Variants in ROBO2 observed in about 807,000 individuals in gnomAD.
The protein encoded by ROBO2 is roundabout guidance receptor 2.
Under a neutral mutation model 160.8 loss-of-function variants are expected in ROBO2, and 53 were observed. That is an observed-to-expected ratio of 0.33 (90% CI 0.26 to 0.41). The LOEUF (loss-of-function observed/expected upper bound fraction) is 0.41. ROBO2 is among the 10% of genes least tolerant of loss of function. ROBO2 has a pLI of 1.00. For missense variants in ROBO2, 1,577 were observed against 1,722.4 expected (o/e 0.92, Z 1.49); for synonymous variants, 664 against 611.7 (o/e 1.09, Z -1.26).
At chr3:76,067,693 C>T (rs1459640963) in intron 2 of ROBO2, among the ~76,000 whole-genome samples, 1 of 152,014 alleles carries the variant, frequency 6.6e-6, no homozygotes, top group African/African-American at 2.4e-5. Context: ...TTTTTGTAAA[C>T]TTTCACCAAT....
chr3:76,525,889 A>G (rs2081922642), intron 2 of ROBO2, among the ~76,000 whole-genome samples: 1 of 151,946 alleles, frequency 6.6e-6, no homozygotes, highest in South Asian at 2.1e-4. Context: ...AGAAAAAAAT[A>G]TATATAGTAG....
intron 2 of ROBO2, among the ~76,000 whole-genome samples, chr3:76,736,144 G>T (rs145935537): frequency 3.0e-3 from 451 of 151,624 alleles, no homozygotes; most frequent in Admixed American, 5.2e-3. Flanking sequence ...TTATCCGGGC[G>T]TGGTGGTGGC....
At chr3:76,281,301 A>G (rs944790756) in intron 2 of ROBO2, among the ~76,000 whole-genome samples, 1 of 151,888 alleles carries the variant, frequency 6.6e-6, no homozygotes, top group African/African-American at 2.4e-5. Flanking sequence ...TAAAGCAACA[A>G]TGCACATAAT....
At chr3:76,431,744 A>T (rs4856031) in intron 2 of ROBO2, among the ~76,000 whole-genome samples, 52,887 of 152,016 alleles carry the variant, frequency 0.35, 11,167 homozygotes, top group Non-Finnish European at 0.46. Flanking sequence ...GTGTTATGTT[A>T]TGCTAATCTG....
chr3:76,210,567 A>T (rs1169029845), intron 2 of ROBO2, among the ~76,000 whole-genome samples: 1 of 152,100 alleles, frequency 6.6e-6, no homozygotes, highest in Admixed American at 6.6e-5. Flanking sequence ...CCTGATTAAG[A>T]GCTTCTTTCT....
chr3:76,141,089 C>T (rs1223059502), intron 2 of ROBO2, among the ~76,000 whole-genome samples: 26 of 20,278 alleles, frequency 1.3e-3, no homozygotes, highest in Non-Finnish European at 1.8e-3. Context: ...AATATATGTG[C>T]CTGGGTTTAT....
intron 2 of ROBO2, among the ~76,000 whole-genome samples, chr3:77,018,972 C>T (rs2062454487): frequency 6.6e-6 from 1 of 152,164 alleles, no homozygotes; most frequent in Non-Finnish European, 1.5e-5. Flanking sequence ...AAACAGCCCT[C>T]CCTGTCCCTG....
rs201042832 is a variant in ROBO2 at position 76,284,413 on chromosome 3, A to AT, written c.109+346811_109+346812insT. On this transcript the variant is annotated intron_variant, in intron 2 of 26. Coordinates refer to the ROBO2 transcript ENST00000487694. ...CCAGGGAGTGTGACTCCTATAAAAAAAATCTGAGATAAACTTAATCATCTT... is the reference window on the plus strand; with the variant it reads ...CCAGGGAGTGTGACTCCTATAAAAAATAATCTGAGATAAACTTAATCATCTT... Among the ~76,000 whole-genome samples the AT allele has an allele frequency of 4.9e-3, 747 of 152,018 alleles. 7 individuals are homozygous for AT. The highest frequency in any genetic ancestry group is 0.017 in the African/African-American group (712 of 41,476).
At chr3:76,314,878 GC>G (rs1221766379) in intron 2 of ROBO2, among the ~76,000 whole-genome samples, 1 of 152,014 alleles carries the variant, frequency 6.6e-6, no homozygotes, top group African/African-American at 2.4e-5. Flanking sequence ...GGGGTCAGTG[GC>G]TCTAACCCCT....
intron 2 of ROBO2, among the ~76,000 whole-genome samples, chr3:77,346,845 C>T (rs9875780): frequency 0.27 from 40,430 of 152,030 alleles, 5,880 homozygotes; most frequent in East Asian, 0.5. Flanking sequence ...CTCTCTTAAT[C>T]CCTTTCTCCT....
intron 1 of ROBO2, among the ~76,000 whole-genome samples, chr3:75,924,290 A>C (rs938017656): frequency 6.6e-6 from 1 of 152,122 alleles, no homozygotes; most frequent in Non-Finnish European, 1.5e-5. Context: ...GTAGTCACAA[A>C]GAACCTTCAA....
chr3:77,371,604 T>C (rs919656591), intron 2 of ROBO2, among the ~76,000 whole-genome samples: 3 of 152,206 alleles, frequency 2.0e-5, no homozygotes, highest in East Asian at 3.8e-4. Flanking sequence ...ATAATGTGAG[T>C]TTTCTTATGA....
At chr3:77,411,185 C>T (rs76077705) in intron 2 of ROBO2, among the ~76,000 whole-genome samples, 3,384 of 152,152 alleles carry the variant, frequency 0.022, 80 homozygotes, top group East Asian at 0.077. Context: ...CTCTTCTTGC[C>T]CATTCTTCAC....
Position 76,807,710 on chromosome 3 carries a change from A to G in ROBO2, c.110-290304A>G, listed in dbSNP as rs540085533. Among the ~76,000 whole-genome samples the G allele has an allele frequency of 3.3e-5, 5 of 152,192 alleles. No homozygotes were observed. The South Asian group carries it at 1.0e-3, about 32-fold the overall frequency. On this transcript the variant is annotated intron_variant, in intron 2 of 26. Transcript: ENST00000487694. Reference sequence around the variant, plus strand: ...GTCCTCTTGTAAAGGAGTATGCATAATGTTTTAAAGTCTCTGATATGCTTT... The same window carrying G: ...GTCCTCTTGTAAAGGAGTATGCATAGTGTTTTAAAGTCTCTGATATGCTTT...
chr3:76,590,934 T>C (rs993760931), intron 2 of ROBO2, among the ~76,000 whole-genome samples: 3 of 152,144 alleles, frequency 2.0e-5, no homozygotes, highest in Non-Finnish European at 4.4e-5. Context: ...TAACAAAATT[T>C]CAAAATGATG....
intron 2 of ROBO2, among the ~76,000 whole-genome samples, chr3:77,427,789 T>G (rs1218375326): frequency 6.6e-6 from 1 of 152,254 alleles, no homozygotes. Context: ...GACTGCTAAT[T>G]ATCCTACTGG....
intron 2 of ROBO2, among the ~76,000 whole-genome samples, chr3:76,709,201 G>A (rs759565723): frequency 6.6e-6 from 1 of 152,158 alleles, no homozygotes; most frequent in Non-Finnish European, 1.5e-5. Context: ...ATCTAGAGAA[G>A]AAGAGGGAAT....
At chr3:76,125,510 T>G (rs1249815505) in intron 2 of ROBO2, among the ~76,000 whole-genome samples, 1 of 152,146 alleles carries the variant, frequency 6.6e-6, no homozygotes, top group East Asian at 1.9e-4. Context: ...CAGCATCTGT[T>G]GTTTTCTGAC....
chr3:76,167,841 G>T (rs2072896199), intron 2 of ROBO2, among the ~76,000 whole-genome samples: 1 of 152,112 alleles, frequency 6.6e-6, no homozygotes, highest in African/African-American at 2.4e-5. Context: ...TGCATAATTT[G>T]TTAGGATTTC....
Sources: gnomAD v4.1 joint callset for allele counts (sites outside exome capture counted in the v4.1 genomes callset) on GRCh38, gnomAD v4.1.1 for gene constraint, MANE v1.5 for transcripts, NCBI Gene and HGNC (gene_info 2026-07-23, HGNC 2026-07-21) for gene names.